Variants in DPF3 observed in about 807,000 individuals in gnomAD.
DPF3 encodes the protein double PHD fingers 3, also known as zinc finger protein DPF3.
A neutral mutation model predicts 56.8 loss-of-function variants in DPF3; 18 were observed. That is an observed-to-expected ratio of 0.32 (90% CI 0.22 to 0.47). The LOEUF is 0.47. Among genes scored for constraint, DPF3 ranks in the 20% least tolerant of loss-of-function variants. The probability of loss-of-function intolerance (pLI) is 1.00; values close to 1 mark genes in which losing one functional copy is unlikely to be tolerated. For missense variants in DPF3, 403 were observed against 488.8 expected (o/e 0.82, Z 1.65); for synonymous variants, 188 against 180.2 (o/e 1.04, Z -0.35).
At chr14:72,881,342 T>C (rs1886316625) in intron 1 of DPF3, among the ~76,000 whole-genome samples, 1 of 146,980 alleles carries the variant, frequency 6.8e-6, no homozygotes, top group Non-Finnish European at 1.5e-5. Context: ...GTTGCTGTTG[T>C]TGTTGTTTTT....
At chr14:72,801,198 AGCTACAGAGGAT>A (rs1442156300) in intron 1 of DPF3, among the ~76,000 whole-genome samples, 1 of 152,220 alleles carries the variant, frequency 6.6e-6, no homozygotes, top group Non-Finnish European at 1.5e-5. Flanking sequence ...AAACAGAAGA[AGCTACAGAGGAT>A]GCAGGCACTG....
chr14:72,671,182 C>T lies in DPF3; in HGVS notation c.871+3058G>A, dbSNP rs147946137. 288 of 1,613,966 alleles carry T rather than the reference C, an allele frequency of 1.8e-4. 2 individuals carry two copies. The East Asian group carries it at 6.2e-3, about 34-fold the overall frequency. On this transcript the variant is annotated intron_variant, in intron 8 of 10. Transcript: ENST00000556509. ...TGCTGTGGGCGAACCCCGGCCACTGCGGCGTCCTCGACAGGAGCGAGGCTC... is the reference window on the plus strand; with the variant it reads ...TGCTGTGGGCGAACCCCGGCCACTGTGGCGTCCTCGACAGGAGCGAGGCTC...
intron 3 of DPF3, among the ~76,000 whole-genome samples, chr14:72,732,656 ACCT>A (rs1889710729): frequency 6.6e-6 from 1 of 152,114 alleles, no homozygotes; most frequent in Admixed American, 6.5e-5. Flanking sequence ...TTGATCAGCT[ACCT>A]GGGGCTTGAG....
intron 6 of DPF3, among the ~76,000 whole-genome samples, chr14:72,704,478 G>A (rs1433011755): frequency 6.6e-6 from 1 of 152,110 alleles, no homozygotes; most frequent in African/African-American, 2.4e-5. Flanking sequence ...CTCAAATGCT[G>A]AGCAGGTTTT....
chr14:72,610,239 G>A lies in DPF3; in HGVS notation c.*9058C>T, dbSNP rs935502691. 6.6e-6 allele frequency among the ~76,000 whole-genome samples: 1 copy of A among 152,180 alleles called. No homozygotes were observed. Among genetic ancestry groups the A allele is most frequent in the African/African-American group, 2.4e-5 (1 of 41,436 alleles). On this transcript the variant is annotated 3_prime_UTR_variant, in exon 11 of 11. Transcript: ENST00000556509. The stretch of plus-strand genomic sequence containing the variant: ...TTGGAGATCTCAGTGTGTTTCCAGG[G>A]TCTCTGACTCAACTAGAGGGCATCC...
chr14:72,810,618 C>G (rs200660571), intron 1 of DPF3, among the ~76,000 whole-genome samples: 1 of 136,702 alleles, frequency 7.3e-6, no homozygotes, highest in East Asian at 2.2e-4. Context: ...AAGAATAACT[C>G]TAAGAAACAA....
At chr14:72,779,463 G>A (rs1891882735) in intron 1 of DPF3, among the ~76,000 whole-genome samples, 1 of 151,944 alleles carries the variant, frequency 6.6e-6, no homozygotes, top group African/African-American at 2.4e-5. Context: ...GGCTCCCAAT[G>A]GTGCCCAGGT....
intron 8 of DPF3, among the ~76,000 whole-genome samples, chr14:72,636,218 T>G (rs1403131892): frequency 6.6e-6 from 1 of 152,226 alleles, no homozygotes; most frequent in Non-Finnish European, 1.5e-5. Context: ...GGCTCAAATT[T>G]CAAATAGTTC....
intron 1 of DPF3, among the ~76,000 whole-genome samples, chr14:72,812,944 G>T (rs2159715): frequency 0.23 from 34,389 of 152,014 alleles, 4,931 homozygotes; most frequent in Non-Finnish European, 0.31. Context: ...TAGGAATGGG[G>T]TTGGGGGCAA....
At chr14:72,808,862 C>A (rs1353227835) in intron 1 of DPF3, among the ~76,000 whole-genome samples, 3 of 152,204 alleles carry the variant, frequency 2.0e-5, no homozygotes, top group Admixed American at 6.5e-5. Context: ...AGTCTAGGAG[C>A]AATCCTACTA....
chr14:72,841,124 T>C (rs1293895067), intron 1 of DPF3, among the ~76,000 whole-genome samples: 7 of 146,972 alleles, frequency 4.8e-5, no homozygotes, highest in Non-Finnish European at 1.5e-5. Context: ...TGAAATAATA[T>C]TTTTGCTGTA....
At position 72,798,216 on chromosome 14, in the gene DPF3, G is replaced by A. The variant is rs115609135; in HGVS notation, c.33-26323C>T. On this transcript the variant is annotated intron_variant, in intron 1 of 10. Coordinates refer to ENST00000556509, the MANE Select transcript of DPF3 (RefSeq NM_001280542.3). ...TTGCAGTGAGCCAGGATCGCACCACGGCACTCTAGCCAGGGAAGACAGAGC... is the reference window on the plus strand; with the variant it reads ...TTGCAGTGAGCCAGGATCGCACCACAGCACTCTAGCCAGGGAAGACAGAGC... Among the ~76,000 whole-genome samples, 814 of 127,348 alleles carry A rather than the reference G, an allele frequency of 6.4e-3. 7 individuals are homozygous for A. Among genetic ancestry groups the A allele is most frequent in the African/African-American group, 0.023 (770 of 33,176 alleles). The allele number at this position is 127,348 out of a possible 152,430, so 83.5% of individuals were successfully genotyped here.
At chr14:72,846,927 T>C (rs1884785300) in intron 1 of DPF3, among the ~76,000 whole-genome samples, 1 of 152,200 alleles carries the variant, frequency 6.6e-6, no homozygotes, top group Non-Finnish European at 1.5e-5. Flanking sequence ...AAATTGATTC[T>C]ATTTTTTCAA....
At chr14:72,779,836 G>T (rs1374231006) in intron 1 of DPF3, among the ~76,000 whole-genome samples, 1 of 152,218 alleles carries the variant, frequency 6.6e-6, no homozygotes, top group Non-Finnish European at 1.5e-5. Context: ...CACTATTGCG[G>T]TGTCCTTGAG....
At chr14:72,717,114 C>T (rs1888965072) in intron 5 of DPF3, among the ~76,000 whole-genome samples, 1 of 152,182 alleles carries the variant, frequency 6.6e-6, no homozygotes, top group African/African-American at 2.4e-5. Flanking sequence ...AGTGCTGATC[C>T]CCTCGGGTTC....
At chr14:72,781,483 C>T (rs1891968103) in intron 1 of DPF3, among the ~76,000 whole-genome samples, 3 of 152,170 alleles carry the variant, frequency 2.0e-5, no homozygotes, top group South Asian at 2.1e-4. Context: ...CCCAGTAGAC[C>T]CAATAAATCC....
At chr14:72,751,445 T>C (rs535984717) in intron 3 of DPF3, among the ~76,000 whole-genome samples, 3 of 152,320 alleles carry the variant, frequency 2.0e-5, no homozygotes, top group South Asian at 2.1e-4. Flanking sequence ...GCAGCAGGTC[T>C]GGAGCAAGGA....
intron 7 of DPF3, among the ~76,000 whole-genome samples, chr14:72,686,874 T>C (rs1412855126): frequency 6.6e-6 from 1 of 152,214 alleles, no homozygotes; most frequent in Non-Finnish European, 1.5e-5. Context: ...CAGAGTAATC[T>C]AAAATTTCTA....
chr14:72,855,361 C>G (rs1319457443), intron 1 of DPF3, among the ~76,000 whole-genome samples: 2 of 152,232 alleles, frequency 1.3e-5, no homozygotes, highest in East Asian at 3.8e-4. Flanking sequence ...CATGTACCAT[C>G]TCATCTGTAT....
Sources: allele counts gnomAD v4.1 joint callset (sites outside exome capture counted in the v4.1 genomes callset), GRCh38; gene constraint gnomAD v4.1.1; transcripts MANE v1.5; gene names NCBI Gene and HGNC (gene_info 2026-07-23, HGNC 2026-07-21).